Variants in MYH10 observed in about 807,000 individuals in gnomAD.
MYH10 encodes myosin heavy chain 10, also known as myosin-10.
A neutral mutation model predicts 257.8 loss-of-function variants in MYH10; 55 were observed. The observed-to-expected ratio is 0.21, with a 90% confidence interval of 0.17 to 0.27. The LOEUF (loss-of-function observed/expected upper bound fraction) is 0.27, where lower values mean the gene tolerates loss of function less well. Among genes scored for constraint, MYH10 ranks in the 10% least tolerant of loss-of-function variants. The probability of loss-of-function intolerance (pLI) is 1.00; values close to 1 mark genes in which losing one functional copy is unlikely to be tolerated. For missense variants in MYH10, 1,631 were observed against 2,500.6 expected (o/e 0.65, Z 7.42); for synonymous variants, 854 against 921.7 (o/e 0.93, Z 1.33).
At position 8,518,794 on chromosome 17, in the gene MYH10, A is replaced by AAG; in HGVS notation, c.2344-5_2344-4dup. ...GGGTCCAATTCTAAAGCCCGGATCT[A>AAG]AGAGAGAAAGAGTTTATTTACTTTT... On this transcript the variant is annotated splice_polypyrimidine_tract_variant and splice_region_variant and intron_variant, in intron 20 of 42. Transcript: ENST00000360416. 1 of 1,607,074 alleles carries AAG rather than the reference A, an allele frequency of 6.2e-7. No homozygotes were observed. Among genetic ancestry groups the AAG allele is most frequent in the Non-Finnish European group, 8.5e-7 (1 of 1,178,108 alleles).
At chr17:8,484,633 C>A (rs1473102770) in intron 36 of MYH10, among the ~76,000 whole-genome samples, 1 of 152,080 alleles carries the variant, frequency 6.6e-6, no homozygotes, top group South Asian at 2.1e-4. Context: ...GGATTATACA[C>A]CATGACCAAG....
intron 35 of MYH10, among the ~76,000 whole-genome samples, chr17:8,488,025 A>G (rs893813671): frequency 1.3e-5 from 2 of 152,150 alleles, no homozygotes; most frequent in Admixed American, 1.3e-4. Context: ...GGGCATGGCC[A>G]TGTTGCAGGG....
intron 10 of MYH10, 32 bp downstream of exon 10, chr17:8,548,608 AAGTG>A: frequency 6.2e-7 from 1 of 1,609,382 alleles, no homozygotes; most frequent in African/African-American, 1.3e-5. Flanking sequence ...AGTCTTAGGA[AAGTG>A]AGTACCAGAA....
chr17:8,608,325 A>G (rs1382385976), intron 2 of MYH10, among the ~76,000 whole-genome samples: 1 of 152,234 alleles, frequency 6.6e-6, no homozygotes, highest in African/African-American at 2.4e-5. Context: ...TTGGCACAAC[A>G]GGGCCTAGAT....
chr17:8,489,746 C>CCACACACACA (rs1555570912), intron 35 of MYH10, among the ~76,000 whole-genome samples: 1 of 149,556 alleles, frequency 6.7e-6, no homozygotes, highest in African/African-American at 2.5e-5. Context: ...CACACACACA[C>CCACACACACA]CCCAAATCCA....
In MYH10 at chr17:8,569,608, C is replaced by T. The variant is rs1205757400; in HGVS notation, c.756+112G>A. The T allele has an allele frequency of 2.8e-6, 2 of 718,250 alleles. No homozygotes were observed. Among genetic ancestry groups the T allele is most frequent in the African/African-American group, 1.8e-5 (1 of 55,460 alleles). 44.5% of individuals were successfully genotyped at this position (718,250 alleles called of 1,614,324 possible). ...AGCTTGTATTATGTCTACAGAACTA[C>T]ATCTATTAGCTTCTTAAAATCTAGG... On this transcript the variant is annotated intron_variant, in intron 7 of 42. Coordinates refer to ENST00000360416, the MANE Select transcript of MYH10 (RefSeq NM_001256012.3). The surrounding 1 kb of genome is among the most constrained non-coding windows in gnomAD (Gnocchi z 4.1).
Position 8,535,438 on chromosome 17 carries a change from T to C in MYH10, c.1843A>G (p.Thr615Ala), listed in dbSNP as rs749401418. The C allele has an allele frequency of 6.2e-7, 1 of 1,614,076 alleles. No individual in the cohort carries two copies. Among genetic ancestry groups the C allele is most frequent in the Non-Finnish European group, 8.5e-7 (1 of 1,179,986 alleles). ...CTGTCTGATGACTGGTGCAAAAGGG[T>C]GGCCACGTTGTCATTCAGGGGGTCC... ...NMDPLNDNVA[T>A]LLHQSSDRFV... Residue 615 changes from threonine to alanine, a missense_variant, in exon 16 of 43, where the codon ACC (threonine) becomes GCC (alanine). Thr to Ala is a moderately conservative substitution (Grantham distance 58). Coordinates refer to ENST00000360416, the MANE Select transcript of MYH10 (RefSeq NM_001256012.3). The surrounding 1 kb of genome is among the most constrained non-coding windows in gnomAD (Gnocchi z 4.3).
Position 8,481,318 on chromosome 17 carries a change from T to C in MYH10, c.5264+4A>G. ...GAACCCACCCCCGGCCGTGGGAGAC[T>C]CACTTGCCAGAGGCGCTGTTGGTGA... On this transcript the variant is annotated splice_donor_region_variant and intron_variant, in intron 38 of 42. Transcript: ENST00000360416. 6.2e-7 allele frequency: 1 copy of C among 1,613,606 alleles called. No individual in the cohort carries two copies. The highest frequency in any genetic ancestry group is 8.5e-7 in the Non-Finnish European group (1 of 1,179,924).
At chr17:8,549,231 C>T (rs1297400609) in intron 9 of MYH10, among the ~76,000 whole-genome samples, 1 of 152,174 alleles carries the variant, frequency 6.6e-6, no homozygotes, top group African/African-American at 2.4e-5. Flanking sequence ...ATGAAAACTA[C>T]CATGGACATA....
chr17:8,548,246 G>T, intron 11 of MYH10, 67 bp downstream of exon 11: 1 of 1,277,946 alleles, frequency 7.8e-7, no homozygotes. Flanking sequence ...CGCTTGCACT[G>T]TAACACCTTC....
chr17:8,503,656 T>G (rs2080981449), intron 28 of MYH10, among the ~76,000 whole-genome samples: 1 of 152,206 alleles, frequency 6.6e-6, no homozygotes, highest in Admixed American at 6.5e-5. Flanking sequence ...GGAAACGCAC[T>G]GGTTTTCACC....
chr17:8,550,540 C>T (rs1447147004), intron 9 of MYH10, among the ~76,000 whole-genome samples: 2 of 150,060 alleles, frequency 1.3e-5, no homozygotes, highest in Admixed American at 1.3e-4. Flanking sequence ...CCCCGCCCGG[C>T]CAGCCGCCCT....
chr17:8,497,855 G>A (rs770097294), intron 30 of MYH10, among the ~76,000 whole-genome samples: 2 of 149,988 alleles, frequency 1.3e-5, no homozygotes, highest in Admixed American at 6.7e-5. Context: ...TTTTTGAGTC[G>A]TTATTTCCTA....
chr17:8,483,082 C>T (rs1421971502), intron 37 of MYH10, among the ~76,000 whole-genome samples: 1 of 152,200 alleles, frequency 6.6e-6, no homozygotes, highest in Non-Finnish European at 1.5e-5. Context: ...AAATGCCATA[C>T]ATTTGGAAAT....
chr17:8,483,327 G>A (rs111337505), intron 37 of MYH10, among the ~76,000 whole-genome samples: 20 of 152,294 alleles, frequency 1.3e-4, no homozygotes, highest in African/African-American at 4.8e-4. Context: ...GCAAAAAATG[G>A]TGAGATAGAG....
chr17:8,488,471 AAATG>A (rs1915234757), intron 35 of MYH10, among the ~76,000 whole-genome samples: 1 of 152,222 alleles, frequency 6.6e-6, no homozygotes, highest in Non-Finnish European at 1.5e-5. Context: ...ATTCAGCCAT[AAATG>A]AATGTTTCGT....
chr17:8,619,861 G>T (rs2085401450), intron 2 of MYH10, among the ~76,000 whole-genome samples: 1 of 151,950 alleles, frequency 6.6e-6, no homozygotes, highest in Non-Finnish European at 1.5e-5. Context: ...GGAGGCGGAG[G>T]TTGCGATGAG....
intron 4 of MYH10, among the ~76,000 whole-genome samples, chr17:8,588,744 A>G (rs2084009788): frequency 6.6e-6 from 1 of 152,232 alleles, no homozygotes; most frequent in Non-Finnish European, 1.5e-5. Context: ...TTTAACACTG[A>G]GCACACAGTA....
Position 8,492,502 on chromosome 17 carries a change from G to C in MYH10, c.4466C>G (p.Ala1489Gly), listed in dbSNP as rs1597632055. The change falls in exon 34 of 43, where the codon GCA (alanine) becomes GGA (glycine). Residue 1489 changes from alanine (A) to glycine (G), a missense_variant. Physicochemically the swap from Ala to Gly is moderately conservative, Grantham distance 60 (BLOSUM62 0). Coordinates refer to ENST00000360416, the MANE Select transcript of MYH10 (RefSeq NM_001256012.3). ...KKQKKFDQLL[A>G]EEKSISARYA... ...GCGAGCAGAGATGCTCTTCTCTTCT[G>C]CTAACAGCTGTGCAGAAGGGGATGG... 6.2e-7 allele frequency: 1 copy of C among 1,610,944 alleles called. No individual in the cohort carries two copies. Among genetic ancestry groups the C allele is most frequent in the Non-Finnish European group, 8.5e-7 (1 of 1,179,396 alleles).
Sources: allele counts gnomAD v4.1 joint callset (sites outside exome capture counted in the v4.1 genomes callset), GRCh38; gene constraint gnomAD v4.1.1; non-coding constraint Gnocchi (gnomAD v3.1); transcripts MANE v1.5; gene names NCBI Gene and HGNC (gene_info 2026-07-23, HGNC 2026-07-21).